The following GREB1L variants were observed in gnomAD, a reference collection of about 807,000 sequenced individuals.
GREB1L encodes GREB1-like protein.
Under a neutral mutation model 200.8 loss-of-function variants are expected in GREB1L, and 17 were observed. The observed-to-expected ratio is 0.08, with a 90% CI of 0.06 to 0.13. GREB1L has a LOEUF of 0.13. GREB1L is among the 10% of genes least tolerant of loss of function. The probability of loss-of-function intolerance (pLI) is 1.00; values close to 1 mark genes in which losing one functional copy is unlikely to be tolerated. For missense variants in GREB1L, 1,657 were observed against 2,367.7 expected (o/e 0.70, Z 6.23); for synonymous variants, 789 against 893.0 (o/e 0.88, Z 2.08).
chr18:21,419,127 G>C (rs1464697422), intron 7 of GREB1L, among the ~76,000 whole-genome samples: 2 of 152,188 alleles, frequency 1.3e-5, no homozygotes, highest in Non-Finnish European at 2.9e-5. Context: ...CTTTGGGGCA[G>C]TAGGCCATAC....
chr18:21,268,585 A>G (rs1410595420), intron 1 of GREB1L, among the ~76,000 whole-genome samples: 1 of 132,746 alleles, frequency 7.5e-6, no homozygotes, highest in African/African-American at 3.0e-5. Context: ...ATATATATAT[A>G]TATATATACA....
At chr18:21,332,553 C>A (rs1016191175) in intron 1 of GREB1L, among the ~76,000 whole-genome samples, 10 of 152,142 alleles carry the variant, frequency 6.6e-5, no homozygotes, top group Admixed American at 6.5e-4. Flanking sequence ...TGGCTCACTG[C>A]CATCTCCACT....
intron 18 of GREB1L, among the ~76,000 whole-genome samples, chr18:21,488,288 T>G (rs145780800): frequency 6.6e-6 from 1 of 152,176 alleles, no homozygotes; most frequent in African/African-American, 2.4e-5. Context: ...AGAGCGGGAC[T>G]CTGTCTCGAA....
chr18:21,330,734 GA>G (rs1007645641), intron 1 of GREB1L, among the ~76,000 whole-genome samples: 9 of 149,648 alleles, frequency 6.0e-5, no homozygotes, highest in African/African-American at 9.8e-5. Flanking sequence ...GAATGAGTCT[GA>G]AAAAAAAAAT....
chr18:21,279,505 A>T (rs933530725), intron 1 of GREB1L, among the ~76,000 whole-genome samples: 4 of 152,226 alleles, frequency 2.6e-5, no homozygotes, highest in Non-Finnish European at 5.9e-5. Context: ...GTTGAAAGTT[A>T]TACTTTTAGA....
At chr18:21,303,385 GTTC>G (rs2038649498) in intron 1 of GREB1L, among the ~76,000 whole-genome samples, 1 of 152,112 alleles carries the variant, frequency 6.6e-6, no homozygotes, top group Non-Finnish European at 1.5e-5. Context: ...AAAAATTCTT[GTTC>G]TTTTGTTTTT....
chr18:21,510,880 T>C (rs1461623962), intron 27 of GREB1L, among the ~76,000 whole-genome samples: 1 of 152,204 alleles, frequency 6.6e-6, no homozygotes, highest in African/African-American at 2.4e-5. Context: ...CATTGTGATT[T>C]TGTTTTGCAT....
At chr18:21,280,734 C>T (rs1466960405) in intron 1 of GREB1L, among the ~76,000 whole-genome samples, 5 of 152,042 alleles carry the variant, frequency 3.3e-5, no homozygotes, top group Non-Finnish European at 7.4e-5. Flanking sequence ...TTTTCCATGT[C>T]TGAGATGTTT....
intron 4 of GREB1L, among the ~76,000 whole-genome samples, chr18:21,392,312 G>A: frequency 6.6e-6 from 1 of 151,884 alleles, no homozygotes; most frequent in Admixed American, 6.6e-5. Context: ...TTTCAAACCT[G>A]TGAGCCCTGT....
chr18:21,244,777 G>A (rs2037568641), intron 1 of GREB1L, among the ~76,000 whole-genome samples: 1 of 152,128 alleles, frequency 6.6e-6, no homozygotes, highest in Non-Finnish European at 1.5e-5. Context: ...TGCTGATAGA[G>A]GCCAAACACC....
chr18:21,437,172 T>C lies in GREB1L; in HGVS notation c.833-2349T>C, dbSNP rs2033602072. Among the ~76,000 whole-genome samples the C allele has an allele frequency of 1.3e-5, 2 of 152,188 alleles. 1 individual carries two copies. Among genetic ancestry groups the C allele is most frequent in the South Asian group, 4.1e-4 (2 of 4,830 alleles). On this transcript the variant is annotated intron_variant, in intron 7 of 32. Transcript: ENST00000424526. ...TCAAACTCCGGGGCTCAAGTGATCC[T>C]ACTGCCATAACCTCCCAAATTGCTG... is the stretch of plus-strand genomic sequence containing the variant.
chr18:21,454,685 A>C (rs576672116), intron 15 of GREB1L, 122 bp downstream of exon 15: 2 of 778,398 alleles, frequency 2.6e-6, no homozygotes, highest in African/African-American at 3.5e-5. Context: ...AATAAAAATC[A>C]TAAAAGCACT....
chr18:21,288,156 C>A (rs1483113830), intron 1 of GREB1L, among the ~76,000 whole-genome samples: 1 of 152,108 alleles, frequency 6.6e-6, no homozygotes, highest in African/African-American at 2.4e-5. Context: ...ACTTTTTCCC[C>A]CATTCTTTTT....
At chr18:21,322,165 A>G (rs1313119623) in intron 1 of GREB1L, among the ~76,000 whole-genome samples, 1 of 152,234 alleles carries the variant, frequency 6.6e-6, no homozygotes, top group Admixed American at 6.5e-5. Context: ...ATGTGAAAGT[A>G]AGTAGCGTAT....
chr18:21,398,073 A>G (rs978154769), intron 5 of GREB1L, among the ~76,000 whole-genome samples: 2 of 152,188 alleles, frequency 1.3e-5, no homozygotes, highest in Non-Finnish European at 2.9e-5. Context: ...TTTTTGTTCA[A>G]TGATTCTTTG....
chr18:21,464,444 C>T (rs764762755), intron 15 of GREB1L, among the ~76,000 whole-genome samples: 27 of 150,180 alleles, frequency 1.8e-4, no homozygotes, highest in Non-Finnish European at 3.5e-4. Context: ...CTCAGGAGGC[C>T]GAGGCAGGAG....
At chr18:21,310,805 G>A (rs563546563) in intron 1 of GREB1L, among the ~76,000 whole-genome samples, 9 of 152,064 alleles carry the variant, frequency 5.9e-5, no homozygotes, top group East Asian at 1.9e-4. Flanking sequence ...TGTTAAATAC[G>A]TTGTTAAAAA....
chr18:21,316,037 G>A (rs1305499481), intron 1 of GREB1L, among the ~76,000 whole-genome samples: 3 of 152,100 alleles, frequency 2.0e-5, no homozygotes, highest in Non-Finnish European at 4.4e-5. Flanking sequence ...CCTTTTCATC[G>A]TGGCATTTCA....
intron 7 of GREB1L, among the ~76,000 whole-genome samples, chr18:21,434,609 G>T (rs2033421213): frequency 6.7e-6 from 1 of 150,266 alleles, no homozygotes. Context: ...GGGGGTCTGT[G>T]GAGACCACCT....
Sources: allele counts gnomAD v4.1 joint callset (sites outside exome capture counted in the v4.1 genomes callset), GRCh38; gene constraint gnomAD v4.1.1; transcripts MANE v1.5; gene names NCBI Gene and HGNC (gene_info 2026-07-23, HGNC 2026-07-21).